The following HECW1 variants were observed in gnomAD, a reference collection of about 807,000 sequenced individuals.
HECW1 encodes the protein HECT, C2 and WW domain containing E3 ubiquitin protein ligase 1, also known as E3 ubiquitin-protein ligase HECW1.
A neutral mutation model predicts 182.3 loss-of-function variants in HECW1; 61 were observed. The observed-to-expected ratio is 0.33, with a 90% CI of 0.27 to 0.41. The LOEUF (loss-of-function observed/expected upper bound fraction) is 0.41, where lower values mean the gene tolerates loss of function less well. Ranked by LOEUF, HECW1 falls within the 10% of genes least tolerant of loss-of-function variation. The probability of loss-of-function intolerance (pLI) is 1.00; values close to 1 mark genes in which losing one functional copy is unlikely to be tolerated. For missense variants in HECW1, 1,739 were observed against 2,108.9 expected (o/e 0.82, Z 3.44); for synonymous variants, 859 against 832.6 (o/e 1.03, Z -0.55).
intron 24 of HECW1, among the ~76,000 whole-genome samples, chr7:43,530,435 A>G (rs2080936835): frequency 6.6e-6 from 1 of 152,090 alleles, no homozygotes; most frequent in African/African-American, 2.4e-5. Context: ...AATTTAATAT[A>G]CATAAGAAAA....
chr7:43,540,417 A>G (rs1347410829), intron 24 of HECW1, among the ~76,000 whole-genome samples: 1 of 152,230 alleles, frequency 6.6e-6, no homozygotes, highest in Non-Finnish European at 1.5e-5. Context: ...GTTTAGGAGC[A>G]GGCAACAATG....
At chr7:43,137,619 G>T (rs193082608) in intron 2 of HECW1, among the ~76,000 whole-genome samples, 87 of 151,626 alleles carry the variant, frequency 5.7e-4, no homozygotes, top group African/African-American at 2.0e-3. Flanking sequence ...GTACAATCAC[G>T]GCTCACTGCA....
At chr7:43,211,320 C>T (rs1795987685) in intron 2 of HECW1, among the ~76,000 whole-genome samples, 1 of 152,210 alleles carries the variant, frequency 6.6e-6, no homozygotes, top group South Asian at 2.1e-4. Flanking sequence ...TTGGCTTATT[C>T]AGGCAGTTCC....
At chr7:43,350,127 A>G (rs1006553976) in intron 5 of HECW1, among the ~76,000 whole-genome samples, 1 of 152,188 alleles carries the variant, frequency 6.6e-6, no homozygotes, top group African/African-American at 2.4e-5. Flanking sequence ...TATGATGCTT[A>G]GTTTCGCTAG....
intron 2 of HECW1, among the ~76,000 whole-genome samples, chr7:43,174,957 A>G (rs945636535): frequency 5.9e-5 from 9 of 152,334 alleles, no homozygotes; most frequent in Non-Finnish European, 7.3e-5. Context: ...GAATAGGTAT[A>G]TGTATATATG....
rs886464633 is a variant in HECW1, at chr7:43,390,549, C to CA, written c.556-6255dup. 4.4e-3 allele frequency among the ~76,000 whole-genome samples: 587 copies of CA among 134,026 alleles called. 5 individuals carry two copies. The highest frequency in any genetic ancestry group is 0.015 in the African/African-American group (541 of 36,498). 87.9% of individuals were successfully genotyped at this position (134,026 alleles called of 152,430 possible). A position where few individuals can be genotyped will look rare whatever the true frequency, so the allele number is the denominator to read the frequency against. On this transcript the variant is annotated intron_variant, in intron 6 of 29. Transcript: ENST00000395891. ...AGCAAGCAACTCTTAAAAAAAAAAACAAAAAAAAAACAGCAGAGTTGTGGA... is the reference window on the plus strand; with the variant it reads ...AGCAAGCAACTCTTAAAAAAAAAAACAAAAAAAAAAACAGCAGAGTTGTGGA...
chr7:43,124,343 A>G (rs1024444479), intron 2 of HECW1, among the ~76,000 whole-genome samples: 10 of 152,178 alleles, frequency 6.6e-5, no homozygotes, highest in Non-Finnish European at 1.0e-4. Flanking sequence ...TGTTTTTTCA[A>G]AGTGCTATTA....
rs536681979 is a variant in HECW1, at chr7:43,240,559, T to G, written c.-31-3316T>G. Among the ~76,000 whole-genome samples the G allele has an allele frequency of 3.2e-3, 481 of 152,308 alleles. 4 individuals carry two copies. The highest frequency in any genetic ancestry group is 0.011 in the African/African-American group (447 of 41,546). On this transcript the variant is annotated intron_variant, in intron 2 of 29. Transcript: ENST00000395891. ...TAACGTGCTTTCTAATATTTGGTTT[T>G]TAATCTTAGTTCATTTGGGTAGGGA...
intron 6 of HECW1, among the ~76,000 whole-genome samples, chr7:43,371,286 G>A (rs1444785881): frequency 6.6e-6 from 1 of 152,170 alleles, no homozygotes; most frequent in Non-Finnish European, 1.5e-5. Flanking sequence ...CCACTGATGG[G>A]AAGTATGCAC....
intron 3 of HECW1, among the ~76,000 whole-genome samples, chr7:43,268,989 C>T (rs1198085127): frequency 3.9e-5 from 6 of 152,038 alleles, no homozygotes; most frequent in Admixed American, 2.6e-4. Context: ...GGTATGTTGC[C>T]TAGGCTTATG....
chr7:43,163,652 C>G (rs1790789535), intron 2 of HECW1, among the ~76,000 whole-genome samples: 1 of 152,156 alleles, frequency 6.6e-6, no homozygotes, highest in South Asian at 2.1e-4. Flanking sequence ...AGTTATGACC[C>G]CTGGGAAAGA....
At chr7:43,497,473 C>G (rs1008404591) in intron 19 of HECW1, among the ~76,000 whole-genome samples, 1 of 152,034 alleles carries the variant, frequency 6.6e-6, no homozygotes, top group African/African-American at 2.4e-5. Flanking sequence ...ACCACAGATG[C>G]AATCATATTT....
intron 22 of HECW1, 126 bp downstream of exon 22, chr7:43,507,383 C>T (rs2079627960): frequency 2.0e-5 from 17 of 855,540 alleles, no homozygotes; most frequent in Admixed American, 3.1e-5. Flanking sequence ...TGGTCTGAAG[C>T]GGGGGAAGAA....
chr7:43,123,212 G>A (rs1785821788), intron 2 of HECW1, among the ~76,000 whole-genome samples: 1 of 152,222 alleles, frequency 6.6e-6, no homozygotes, highest in Non-Finnish European at 1.5e-5. Flanking sequence ...CACATTTCTT[G>A]TCTTTACAGA....
At position 43,541,889 on chromosome 7, in the gene HECW1, TG is replaced by T; in HGVS notation, c.4141del (p.Glu1381AsnfsTer14). On this transcript the variant is annotated frameshift_variant, in exon 26 of 30. Coordinates refer to ENST00000395891, the MANE Select transcript of HECW1 (RefSeq NM_015052.5). LOFTEE classifies it high-confidence loss of function. ...CCCAGGCCCTGTGATTTGAGTGACC[TG>T]GAATATTTGGATGAGGAATTCCACC... ...LLRLPCDLSD[L>X]EYLDEEFHQS... 6.5e-7 allele frequency: 1 copy of T among 1,535,972 alleles called. No homozygotes were observed. The highest frequency in any genetic ancestry group is 1.3e-5 in the South Asian group (1 of 76,808).
chr7:43,301,186 C>T (rs1188110342), intron 3 of HECW1, among the ~76,000 whole-genome samples: 1 of 149,332 alleles, frequency 6.7e-6, no homozygotes, highest in East Asian at 1.9e-4. Context: ...CCAGCTGCCC[C>T]CAACACTGTC....
chr7:43,351,921 T>C (rs949750278), intron 5 of HECW1, among the ~76,000 whole-genome samples: 2 of 152,292 alleles, frequency 1.3e-5, no homozygotes, highest in African/African-American at 4.8e-5. Flanking sequence ...CTCAACAGTA[T>C]ATCCGTTTAT....
rs1313411241 is a variant in HECW1, at chr7:43,445,345, G to A, written c.2173G>A (p.Ala725Thr). The change falls in exon 11 of 30, where the codon GCC (alanine) becomes ACC (threonine). Residue 725 changes from alanine (A) to threonine (T), a missense_variant. Physicochemically the swap from Ala to Thr is moderately conservative, Grantham distance 58 (BLOSUM62 0). This residue lies in a region of HECW1 where 971 missense variants were observed against 1,029.1 expected (regional missense o/e 0.94). Transcript: ENST00000395891. ...SHTRFSSVDS[A>T]KISESTVFSS... The stretch of plus-strand genomic sequence containing the variant: ...CACGCGCTTCTCCTCCGTGGACAGC[G>A]CCAAGATCTCCGAGAGCACGGTCTT... 2 of 1,613,640 alleles carry A rather than the reference G, an allele frequency of 1.2e-6. No individual in the cohort carries two copies. The highest frequency in any genetic ancestry group is 2.7e-5 in the African/African-American group (2 of 74,934).
chr7:43,118,774 C>T lies in HECW1; in HGVS notation c.-32+4383C>T, dbSNP rs188420646. 1.3e-3 allele frequency among the ~76,000 whole-genome samples: 203 copies of T among 152,136 alleles called. No homozygotes were observed. The Middle Eastern group carries it at 0.014, about 10-fold the overall frequency. On this transcript the variant is annotated intron_variant, in intron 2 of 29. Coordinates refer to ENST00000395891, the MANE Select transcript of HECW1 (RefSeq NM_015052.5). ...GCCAGCTTTATTTCCCCCTGCCTAC[C>T]CCCAGCATTGTCCTTGGTGTCCCCT...
Sources: allele counts gnomAD v4.1 joint callset (sites outside exome capture counted in the v4.1 genomes callset), GRCh38; gene constraint gnomAD v4.1.1; regional missense constraint gnomAD v4.1.1; transcripts MANE v1.5; gene names NCBI Gene and HGNC (gene_info 2026-07-23, HGNC 2026-07-21).